MICAL3: variants seen among roughly 807,000 people sequenced by gnomAD.
MICAL3 encodes the protein [F-actin]-monooxygenase MICAL3.
In MICAL3, 62 loss-of-function variants were observed where a neutral mutation model predicts 207.4. The ratio of observed to expected loss-of-function variants is 0.30; its 90% CI spans 0.24 to 0.37. The LOEUF (loss-of-function observed/expected upper bound fraction) is 0.37, where lower values mean the gene tolerates loss of function less well. MICAL3 is among the 10% of genes least tolerant of loss of function. The probability of loss-of-function intolerance (pLI) is 1.00; values close to 1 mark genes in which losing one functional copy is unlikely to be tolerated. For missense variants in MICAL3, 2,368 were observed against 2,635.6 expected (o/e 0.90, Z 2.22); for synonymous variants, 1,077 against 1,069.3 (o/e 1.01, Z -0.14).
chr22:17,940,268 G>A (rs950892303), intron 1 of MICAL3, among the ~76,000 whole-genome samples: 8 of 152,176 alleles, frequency 5.3e-5, no homozygotes, highest in Admixed American at 2.6e-4. Context: ...TGCCAGGTGC[G>A]GTGGCATGCA....
intron 22 of MICAL3, among the ~76,000 whole-genome samples, chr22:17,825,109 C>T (rs1432701939): frequency 1.3e-5 from 2 of 152,178 alleles, no homozygotes; most frequent in Non-Finnish European, 2.9e-5. Context: ...CAGCCCAGGG[C>T]ACCCTGGGTT....
intron 1 of MICAL3, among the ~76,000 whole-genome samples, chr22:18,018,208 C>T (rs1360609846): frequency 1.3e-5 from 2 of 152,098 alleles, no homozygotes; most frequent in Non-Finnish European, 2.9e-5. Flanking sequence ...ACACAGTTTT[C>T]CCCCATGGAT....
rs565831805 is a variant in MICAL3, at chr22:18,003,501, C to T, written c.-75+20780G>A. 2.4e-4 allele frequency among the ~76,000 whole-genome samples: 37 copies of T among 152,308 alleles called. 1 individual carries two copies. In the South Asian group the frequency reaches 7.3e-3, roughly 30 times the overall value. On this transcript the variant is annotated intron_variant, in intron 1 of 31. Coordinates refer to ENST00000441493, the MANE Select transcript of MICAL3 (RefSeq NM_015241.3). ...ACCCCTCCCTAGAGCTGCGAAAGTG[C>T]TCGTCCCTAACTCAATCTGTGACAA...
At position 17,864,927 on chromosome 22, in the gene MICAL3, G is replaced by T. The variant is rs779230828; in HGVS notation, c.2577C>A (p.Ala859=). The part of the protein sequence containing the change: ...ATTDANGRAN[A]VASSTERTPG... ...GGGTTCTCTCAGTGGAGCTGGCCAC[G>T]GCGTTGGCCCGTCCGTTTGCATCTG... Residue 859 remains alanine, a synonymous_variant, in exon 19 of 32, where the codon GCC becomes GCA. Coordinates refer to ENST00000441493, the MANE Select transcript of MICAL3 (RefSeq NM_015241.3). 6.2e-7 allele frequency: 1 copy of T among 1,613,798 alleles called. No homozygotes were observed. The highest frequency in any genetic ancestry group is 1.7e-5 in the Admixed American group (1 of 60,030).
chr22:17,888,732 A>G (rs988794353), intron 13 of MICAL3, among the ~76,000 whole-genome samples: 2 of 152,242 alleles, frequency 1.3e-5, no homozygotes, highest in Non-Finnish European at 2.9e-5. Flanking sequence ...CACTTCTTCA[A>G]AAAGGCTGGC....
rs1287739309 is a variant in MICAL3, at chr22:17,887,086, C to A, written c.2067+84G>T. On this transcript the variant is annotated intron_variant, in intron 15 of 31. Transcript: ENST00000441493. The stretch of plus-strand genomic sequence containing the variant: ...AAAGGATGAATATGAAAAGACCTAG[C>A]AATACCAATGTGGAAATGAAGAATT... 1.5e-5 allele frequency: 13 copies of A among 889,780 alleles called. No individual in the cohort carries two copies. In the Admixed American group the frequency reaches 2.5e-4, roughly 17 times the overall value. 55.1% of individuals were successfully genotyped at this position (889,780 alleles called of 1,614,324 possible).
chr22:17,944,103 C>G (rs1933938195), intron 1 of MICAL3, among the ~76,000 whole-genome samples: 1 of 151,080 alleles, frequency 6.6e-6, no homozygotes, highest in Non-Finnish European at 1.5e-5. Context: ...GTTTTTGGTA[C>G]CTGAGTGCAT....
chr22:17,818,002 G>A lies in MICAL3; in HGVS notation c.4659C>T (p.Pro1553=), dbSNP rs553320996. Residue 1553 remains proline, a synonymous_variant, in exon 26 of 32, where the codon CCC becomes CCT. Coordinates refer to ENST00000441493, the MANE Select transcript of MICAL3 (RefSeq NM_015241.3). ...CCAGGGGCGGGTGGCGAGGCTTCTC[G>A]GGGCGCGGCCAGCAGGACGGGGGCG... ...FFTPPSCWPR[P]EKPRHPPLAK... is the part of the protein sequence containing the mutation. 1.2e-5 allele frequency: 19 copies of A among 1,612,220 alleles called. No homozygotes were observed. The highest frequency in any genetic ancestry group is 5.0e-5 in the Admixed American group (3 of 60,002).
chr22:18,016,945 A>C lies in MICAL3; in HGVS notation c.-75+7336T>G, dbSNP rs1191709969. 4.6e-5 allele frequency among the ~76,000 whole-genome samples: 7 copies of C among 152,274 alleles called. No homozygotes were observed. In the East Asian group the frequency reaches 1.2e-3, roughly 25 times the overall value. On this transcript the variant is annotated intron_variant, in intron 1 of 31. Transcript: ENST00000441493. ...ACAGAGCCAGACTCTGTCTCAAAAA[A>C]AAAAAAAAGTTTCTTTTCTTTCTGC... is the stretch of plus-strand genomic sequence containing the variant.
chr22:17,970,644 C>T (rs1486670813), intron 1 of MICAL3, among the ~76,000 whole-genome samples: 1 of 152,216 alleles, frequency 6.6e-6, no homozygotes, highest in African/African-American at 2.4e-5. Flanking sequence ...ATGTTCCCTC[C>T]TCTAACACCT....
At chr22:17,861,622 C>T in intron 19 of MICAL3, 4 of 985,434 alleles carry the variant, frequency 4.1e-6, no homozygotes, top group Non-Finnish European at 4.8e-6. Context: ...TTTCCTTTCT[C>T]TGCCTATTGT....
intron 28 of MICAL3, among the ~76,000 whole-genome samples, chr22:17,809,972 TC>T (rs1248551575): frequency 6.6e-6 from 1 of 151,042 alleles, no homozygotes; most frequent in East Asian, 2.0e-4. Flanking sequence ...CACTGAAATC[TC>T]CACCTCCTGG....
At chr22:17,791,381 C>T in intron 29 of MICAL3, 80 bp from the exon 30 acceptor site, 2 of 1,214,588 alleles carry the variant, frequency 1.6e-6, no homozygotes, top group South Asian at 1.3e-5. Flanking sequence ...GGCAAATGTG[C>T]AAAGAGGGCC....
intron 1 of MICAL3, among the ~76,000 whole-genome samples, chr22:17,918,327 T>C (rs898230022): frequency 1.3e-4 from 20 of 152,038 alleles, no homozygotes; most frequent in African/African-American, 4.8e-4. Context: ...ATTTACTATA[T>C]GTAAAATTAA....
intron 22 of MICAL3, among the ~76,000 whole-genome samples, chr22:17,827,011 G>A (rs1328508690): frequency 6.6e-6 from 1 of 152,204 alleles, no homozygotes; most frequent in African/African-American, 2.4e-5. Context: ...CTCCGAGGGT[G>A]GGTATTTGGA....
chr22:17,964,579 A>T (rs1935061621), intron 1 of MICAL3, among the ~76,000 whole-genome samples: 1 of 152,220 alleles, frequency 6.6e-6, no homozygotes, highest in African/African-American at 2.4e-5. Flanking sequence ...TTAAAAATTT[A>T]AAATCAAACT....
intron 1 of MICAL3, among the ~76,000 whole-genome samples, chr22:17,936,084 C>T (rs894085376): frequency 1.3e-5 from 2 of 152,052 alleles, no homozygotes; most frequent in Admixed American, 1.3e-4. Context: ...GGGTATATAC[C>T]CAAAAGATTA....
intron 7 of MICAL3, among the ~76,000 whole-genome samples, chr22:17,898,148 T>C (rs956742992): frequency 3.9e-5 from 6 of 151,954 alleles, no homozygotes; most frequent in African/African-American, 1.4e-4. Flanking sequence ...CCAGGTCTCT[T>C]GGCATTCTAG....
At chr22:17,842,619 AGAGG>A (rs1569090537) in intron 19 of MICAL3, 1 of 157,346 alleles carries the variant, frequency 6.4e-6, no homozygotes. Flanking sequence ...ACCGCTGCTC[AGAGG>A]AAGGACACCA....
Sources: allele counts gnomAD v4.1 joint callset (sites outside exome capture counted in the v4.1 genomes callset), GRCh38; gene constraint gnomAD v4.1.1; transcripts MANE v1.5; gene names NCBI Gene and HGNC (gene_info 2026-07-23, HGNC 2026-07-21).